STON2: variants seen among roughly 807,000 people sequenced by gnomAD.
STON2 encodes the protein stonin 2, also known as stonin-2.
STON2 carries 29 observed loss-of-function variants against 65.7 expected under a neutral mutation model. That is an observed-to-expected ratio of 0.44 (90% CI 0.33 to 0.60). The LOEUF (loss-of-function observed/expected upper bound fraction) is 0.60. STON2 is among the 20% of genes least tolerant of loss of function. STON2 has a pLI of 0.03. For synonymous variants in STON2, 404 were observed against 414.2 expected, an observed-to-expected ratio of 0.98 and a Z score of 0.30; for missense variants, 1,054 against 1,118.1, an observed-to-expected ratio of 0.94 and a Z score of 0.82.
At chr14:81,274,785 A>C (rs947931053) in intron 6 of STON2, among the ~76,000 whole-genome samples, 2 of 151,380 alleles carry the variant, frequency 1.3e-5, no homozygotes, top group Non-Finnish European at 2.9e-5. Context: ...AAAATACAAA[A>C]ATTTAGCTAC....
intron 5 of STON2, among the ~76,000 whole-genome samples, chr14:81,293,429 C>G (rs1029303817): frequency 1.1e-4 from 17 of 152,096 alleles, no homozygotes; most frequent in African/African-American, 3.1e-4. Flanking sequence ...GCCTCGGCCT[C>G]CCAAAGTGCT....
Position 81,277,437 on chromosome 14 carries a change from A to C in STON2, c.2045T>G (p.Ile682Arg). The C allele has an allele frequency of 6.2e-7, 1 of 1,614,012 alleles. No homozygotes were observed. Among genetic ancestry groups the C allele is most frequent in the Non-Finnish European group, 8.5e-7 (1 of 1,180,020 alleles). ...LNDILVKGNE[I>R]VLRQDIMPTT... ...GGGCATGATGTCCTGCCTCAAAACT[A>C]TTTCATTCCCTTTGACGAGGATGTC... Residue 682 changes from isoleucine (I) to arginine (R), a missense_variant, in exon 6 of 8, where the codon ATA (isoleucine) becomes AGA (arginine). Transcript: ENST00000614646.
At chr14:81,402,738 A>G (rs777186906), upstream of STON2, among the ~76,000 whole-genome samples, 1 of 152,162 alleles carries the variant, frequency 6.6e-6, no homozygotes, top group Non-Finnish European at 1.5e-5. Context: ...GCCTTGGCTC[A>G]GCCCCTCATG....
At chr14:81,346,452 G>A (rs1202625349) in intron 4 of STON2, among the ~76,000 whole-genome samples, 2 of 152,232 alleles carry the variant, frequency 1.3e-5, no homozygotes, top group East Asian at 3.9e-4. Flanking sequence ...TCATTAGCTT[G>A]GACATTAGGA....
At position 81,395,967 on chromosome 14, in the gene STON2, G is replaced by A; in HGVS notation, c.300C>T (p.Ser100=). The change falls in exon 3 of 8, where the codon AGC becomes AGT. Residue 100 remains serine, a synonymous_variant. Coordinates refer to ENST00000614646, the MANE Select transcript of STON2 (RefSeq NM_001394390.1). The part of the protein sequence containing the change: ...QPPPDLASAI[S]NWVQFEDDTP... ...TGTCATCTTCAAACTGAACCCAGTT[G>A]CTGATGGCCGAGGCCAGGTCAGGTG... The A allele has an allele frequency of 6.2e-7, 1 of 1,614,186 alleles. No individual in the cohort carries two copies. The highest frequency in any genetic ancestry group is 8.5e-7 in the Non-Finnish European group (1 of 1,180,020).
intron 3 of STON2, among the ~76,000 whole-genome samples, chr14:81,393,960 C>G (rs1281305130): frequency 6.6e-6 from 1 of 152,154 alleles, no homozygotes; most frequent in African/African-American, 2.4e-5. Context: ...GAGGCTAAGG[C>G]AGGTGGATCA....
Position 81,324,081 on chromosome 14 carries a change from G to A in STON2, c.678C>T (p.Pro226=), listed in dbSNP as rs575701501. Among the ~76,000 whole-genome samples the A allele has an allele frequency of 8.9e-4, 136 of 152,366 alleles. No individual in the cohort carries two copies. Among genetic ancestry groups the A allele is most frequent in the African/African-American group, 3.1e-3 (127 of 41,582 alleles). The change falls in exon 5 of 8, where the codon CCC becomes CCT. Residue 226 remains proline, a synonymous_variant. Coordinates refer to ENST00000614646, the MANE Select transcript of STON2 (RefSeq NM_001394390.1). ...TCTGGCTCCTCTTGGGCTGGGGTGA[G>A]GGTGGCGAGGGGTCCAGGCGGTGGG... ...TRTHRLDPSP[P]SPQPKRSQNP...
intron 5 of STON2, among the ~76,000 whole-genome samples, chr14:81,290,262 C>T (rs562790338): frequency 1.4e-4 from 22 of 152,288 alleles, no homozygotes; most frequent in African/African-American, 5.1e-4. Flanking sequence ...AAGTCTTCGC[C>T]TTCACAGTCC....
upstream of STON2, among the ~76,000 whole-genome samples, chr14:81,402,955 G>C (rs942888087): frequency 1.3e-5 from 2 of 152,146 alleles, no homozygotes; most frequent in African/African-American, 2.4e-5. Context: ...CTGAGAGCAG[G>C]GGTTGCATGC....
At chr14:81,351,563 T>C (rs1054228397) in intron 4 of STON2, among the ~76,000 whole-genome samples, 3 of 152,214 alleles carry the variant, frequency 2.0e-5, no homozygotes, top group African/African-American at 7.2e-5. Flanking sequence ...TCAGTAGGAC[T>C]TTGTCATGTG....
At chr14:81,329,547 A>C (rs1039486476) in intron 4 of STON2, among the ~76,000 whole-genome samples, 3 of 152,052 alleles carry the variant, frequency 2.0e-5, no homozygotes, top group Non-Finnish European at 2.9e-5. Flanking sequence ...GCCACAAGCC[A>C]AGGAAAGCCA....
At chr14:81,335,148 G>A (rs1262962656) in intron 4 of STON2, among the ~76,000 whole-genome samples, 2 of 152,090 alleles carry the variant, frequency 1.3e-5, no homozygotes, top group East Asian at 1.9e-4. Flanking sequence ...TTTCAGGTGT[G>A]AACCATCACA....
At chr14:81,422,982 C>G (rs1389073780) in intron 2 of STON2, among the ~76,000 whole-genome samples, 1 of 151,828 alleles carries the variant, frequency 6.6e-6, no homozygotes, top group East Asian at 1.9e-4. Context: ...TTGCAGTGAG[C>G]CAAGATGGCA....
intron 6 of STON2, among the ~76,000 whole-genome samples, chr14:81,276,429 G>C (rs1894820894): frequency 6.6e-6 from 1 of 152,156 alleles, no homozygotes. Context: ...ATGACTAACA[G>C]ACCCTGCACA....
At chr14:81,322,543 T>C (rs1896857920) in intron 5 of STON2, among the ~76,000 whole-genome samples, 1 of 152,052 alleles carries the variant, frequency 6.6e-6, no homozygotes, top group South Asian at 2.1e-4. Flanking sequence ...AAGGGGAAAC[T>C]AGAGCCGCAA....
intron 6 of STON2, among the ~76,000 whole-genome samples, chr14:81,273,830 G>A (rs571378485): frequency 2.6e-5 from 4 of 152,298 alleles, no homozygotes; most frequent in African/African-American, 7.2e-5. Context: ...CAGGGCCACC[G>A]TAGGCAGGAA....
chr14:81,305,108 T>A (rs1165867658), intron 5 of STON2, among the ~76,000 whole-genome samples: 1 of 152,242 alleles, frequency 6.6e-6, no homozygotes, highest in Non-Finnish European at 1.5e-5. Flanking sequence ...TCATTACATG[T>A]GATGTGTTAG....
rs115711737 is a variant in STON2 at position 81,424,805 on chromosome 14, T to G, written c.-199+2297A>C. On this transcript the variant is annotated intron_variant, in intron 2 of 8. Coordinates refer to the STON2 transcript ENST00000553821. ...GCCTATTCTCCTTACTTTCTCAATC[T>G]GAAAGACCAAAAGAAAAATTTAATC... 4.5e-3 allele frequency among the ~76,000 whole-genome samples: 682 copies of G among 152,354 alleles called. 6 individuals carry two copies. The highest frequency in any genetic ancestry group is 0.016 in the African/African-American group (664 of 41,592).
chr14:81,342,635 T>C (rs984889734), intron 4 of STON2, among the ~76,000 whole-genome samples: 1 of 152,104 alleles, frequency 6.6e-6, no homozygotes, highest in Admixed American at 6.5e-5. Flanking sequence ...CCGGTCCCCA[T>C]AAGTCTAGGG....
Sources: allele counts gnomAD v4.1 joint callset (sites outside exome capture counted in the v4.1 genomes callset), GRCh38; gene constraint gnomAD v4.1.1; transcripts MANE v1.5; gene names NCBI Gene and HGNC (gene_info 2026-07-23, HGNC 2026-07-21).